PIK3C3: variants seen among roughly 807,000 people sequenced by gnomAD.
PIK3C3 encodes the protein PI3-kinase type 3.
Under a neutral mutation model 126.1 loss-of-function variants are expected in PIK3C3, and 95 were observed. The observed-to-expected ratio is 0.75, with a 90% CI of 0.64 to 0.89. PIK3C3 has a LOEUF of 0.89. Ranked by LOEUF, PIK3C3 falls within the 40% of genes least tolerant of loss-of-function variation. PIK3C3 has a pLI of 0.00. For synonymous variants in PIK3C3, 374 were observed against 360.0 expected, an observed-to-expected ratio of 1.04 and a Z score of -0.44; for missense variants, 829 against 1,063.2, an observed-to-expected ratio of 0.78 and a Z score of 3.06.
intron 24 of PIK3C3, among the ~76,000 whole-genome samples, chr18:42,078,781 C>G (rs904235437): frequency 6.6e-6 from 1 of 152,212 alleles, no homozygotes; most frequent in Non-Finnish European, 1.5e-5. Context: ...TTACCTTGCA[C>G]TTCTATGTTA....
At chr18:42,031,038 T>C (rs1454120317) in intron 15 of PIK3C3, among the ~76,000 whole-genome samples, 1 of 152,230 alleles carries the variant, frequency 6.6e-6, no homozygotes, top group African/African-American at 2.4e-5. Context: ...AAAATCTTTA[T>C]AGGCATTTTA....
At chr18:42,071,163 A>G (rs1185376620) in intron 24 of PIK3C3, among the ~76,000 whole-genome samples, 2 of 152,232 alleles carry the variant, frequency 1.3e-5, no homozygotes, top group Non-Finnish European at 2.9e-5. Flanking sequence ...GAATTATTCT[A>G]ACAGTCTAAG....
intron 24 of PIK3C3, among the ~76,000 whole-genome samples, chr18:42,070,834 C>A (rs1431581235): frequency 6.6e-6 from 1 of 152,110 alleles, no homozygotes; most frequent in Admixed American, 6.5e-5. Context: ...TGTACCTATT[C>A]TTCTATTCAT....
intron 4 of PIK3C3, among the ~76,000 whole-genome samples, chr18:41,973,723 A>G (rs1327554718): frequency 1.3e-5 from 2 of 152,102 alleles, no homozygotes; most frequent in Non-Finnish European, 2.9e-5. Flanking sequence ...TGTATTAGGT[A>G]TAATAAACTT....
chr18:41,986,893 G>C (rs529017031), intron 4 of PIK3C3, among the ~76,000 whole-genome samples: 62 of 152,104 alleles, frequency 4.1e-4, no homozygotes, highest in African/African-American at 1.4e-3. Context: ...TTCTGAAATA[G>C]TATGACCACA....
intron 1 of PIK3C3, among the ~76,000 whole-genome samples, chr18:41,956,516 A>G (rs1979780465): frequency 6.6e-6 from 1 of 151,740 alleles, no homozygotes; most frequent in African/African-American, 2.4e-5. Flanking sequence ...TTTGAACATT[A>G]AAAATAAAGA....
intron 22 of PIK3C3, chr18:42,059,787 T>C (rs1985235361): frequency 6.6e-6 from 1 of 151,560 alleles, no homozygotes; most frequent in East Asian, 1.9e-4. Flanking sequence ...TTTTTTTTTT[T>C]GAGACAGGTT....
At position 42,043,831 on chromosome 18, in the gene PIK3C3, G is replaced by T; in HGVS notation, c.2188+14G>T. 4 of 1,575,016 alleles carry T rather than the reference G, an allele frequency of 2.5e-6. No homozygotes were observed. Among genetic ancestry groups the T allele is most frequent in the Non-Finnish European group, 2.6e-6 (3 of 1,144,868 alleles). On this transcript the variant is annotated intron_variant, in intron 20 of 24. Transcript: ENST00000262039. ...TTAAAAGCTGTGGTAAGTTTTTCAG[G>T]CTATTACTTTCCATTGATCAGATAA...
At chr18:41,958,880 C>G (rs976713044) in intron 2 of PIK3C3, among the ~76,000 whole-genome samples, 2 of 152,098 alleles carry the variant, frequency 1.3e-5, no homozygotes, top group African/African-American at 2.4e-5. Context: ...TAACTCATGG[C>G]CAATCTTGTA....
intron 10 of PIK3C3, among the ~76,000 whole-genome samples, chr18:42,009,372 A>G (rs1982695625): frequency 1.3e-5 from 2 of 152,166 alleles, no homozygotes; most frequent in Admixed American, 6.5e-5. Flanking sequence ...TGACCTTTTT[A>G]AAAATTATTT....
intron 6 of PIK3C3, among the ~76,000 whole-genome samples, chr18:41,992,283 T>A (rs1476407582): frequency 6.6e-6 from 1 of 152,132 alleles, no homozygotes; most frequent in East Asian, 1.9e-4. Flanking sequence ...TAGTGAAGAT[T>A]ACTTGTCACA....
intron 4 of PIK3C3, among the ~76,000 whole-genome samples, chr18:41,982,656 A>G (rs1159562065): frequency 6.6e-6 from 1 of 152,212 alleles, no homozygotes; most frequent in East Asian, 1.9e-4. Flanking sequence ...GTGGTAGAAT[A>G]TTGTTAAAGC....
intron 15 of PIK3C3, among the ~76,000 whole-genome samples, chr18:42,033,204 T>C (rs950517456): frequency 3.9e-5 from 6 of 152,202 alleles, no homozygotes; most frequent in African/African-American, 7.2e-5. Context: ...ATGTTGCTTA[T>C]TGATGAAGCT....
intron 12 of PIK3C3, among the ~76,000 whole-genome samples, chr18:42,019,487 A>T (rs150540448): frequency 6.6e-6 from 1 of 152,178 alleles, no homozygotes; most frequent in Non-Finnish European, 1.5e-5. Flanking sequence ...TCAACAAAGT[A>T]AATAACTTTC....
At chr18:42,016,813 CT>C (rs1287305418) in intron 12 of PIK3C3, among the ~76,000 whole-genome samples, 2 of 151,878 alleles carry the variant, frequency 1.3e-5, no homozygotes, top group Non-Finnish European at 2.9e-5. Flanking sequence ...TAGTGTAGGG[CT>C]TGTAGGCCAT....
At chr18:41,961,473 CCT>C (rs1282995197) in intron 2 of PIK3C3, among the ~76,000 whole-genome samples, 1 of 152,116 alleles carries the variant, frequency 6.6e-6, no homozygotes, top group African/African-American at 2.4e-5. Context: ...TTTAATAACT[CCT>C]TTTTCTTGAA....
At chr18:41,972,857 T>C (rs1980735852) in intron 4 of PIK3C3, among the ~76,000 whole-genome samples, 1 of 152,088 alleles carries the variant, frequency 6.6e-6, no homozygotes, top group African/African-American at 2.4e-5. Flanking sequence ...TCAGAACTGT[T>C]GTATATCCCA....
chr18:42,040,887 G>A, intron 19 of PIK3C3, 146 bp downstream of exon 19: 2 of 605,036 alleles, frequency 3.3e-6, no homozygotes, highest in Non-Finnish European at 5.8e-6. Context: ...TCAGAAGTAA[G>A]CATGTTCGCA....
chr18:41,957,809 T>G (rs1183046184), intron 2 of PIK3C3, 51 bp downstream of exon 2: 1 of 1,346,398 alleles, frequency 7.4e-7, no homozygotes, highest in Admixed American at 2.3e-5. Flanking sequence ...TTACCTTTCT[T>G]TATGGATGCT....
Sources: gnomAD v4.1 joint callset for allele counts (sites outside exome capture counted in the v4.1 genomes callset) on GRCh38, gnomAD v4.1.1 for gene constraint, MANE v1.5 for transcripts, NCBI Gene and HGNC (gene_info 2026-07-23, HGNC 2026-07-21) for gene names.